Variants in KMT2E observed in about 807,000 individuals in gnomAD.
The protein encoded by KMT2E is histone reader KMT2E.
In KMT2E, 30 loss-of-function variants were observed where a neutral mutation model predicts 184.6. The ratio of observed to expected loss-of-function variants is 0.16; its 90% confidence interval spans 0.12 to 0.22. The LOEUF (loss-of-function observed/expected upper bound fraction) is 0.22. Among genes scored for constraint, KMT2E ranks in the 10% least tolerant of loss-of-function variants. The pLI is 1.00. For synonymous variants in KMT2E, 815 were observed against 776.5 expected (o/e 1.05, Z -0.82); for missense variants, 2,023 against 2,237.4 (o/e 0.90, Z 1.93).
Position 105,040,997 on chromosome 7 carries a change from A to G in KMT2E, c.45A>G (p.Ser15=). Residue 15 remains serine, a synonymous_variant, in exon 3 of 27, where the codon TCA becomes TCG. Coordinates refer to ENST00000311117, the MANE Select transcript of KMT2E (RefSeq NM_182931.3). ...TGGGGGTTGATACAGCAGAGACGTC[A>G]TACTTGGAAATGGCTGCAGGTTCAG... ...IPLGVDTAET[S]YLEMAAGSEP... is the part of the protein sequence containing the mutation. The G allele has an allele frequency of 1.9e-6, 3 of 1,611,032 alleles. No individual in the cohort carries two copies. Among genetic ancestry groups the G allele is most frequent in the Non-Finnish European group, 2.5e-6 (3 of 1,178,920 alleles).
At chr7:105,087,194 G>GCTAT (rs1392733869) in intron 13 of KMT2E, among the ~76,000 whole-genome samples, 4 of 144,944 alleles carry the variant, frequency 2.8e-5, no homozygotes, top group African/African-American at 1.0e-4. Context: ...GCATATACAT[G>GCTAT]CTATATATAT....
Position 105,111,993 on chromosome 7 carries a change from A to G in KMT2E, c.4237A>G (p.Lys1413Glu). ...ATCAAATAACAACCAAGCACTTTCA[A>G]AGAATCATCCTCCTCAGACACACGT... ...QLSNNNQALS[K>E]NHPPQTHVRN... The change falls in exon 27 of 27, where the codon AAG becomes GAG. Residue 1413 changes from lysine to glutamate, a missense_variant. By Grantham distance (56) the Lys-to-Glu change is moderately conservative. Around this residue, in one of 8 missense-constraint regions of KMT2E, gnomAD observed 1,108 missense variants for 1,050.9 expected, o/e 1.05. Coordinates refer to ENST00000311117, the MANE Select transcript of KMT2E (RefSeq NM_182931.3). 1 of 1,614,182 alleles carries G rather than the reference A, an allele frequency of 6.2e-7. No homozygotes were observed. The highest frequency in any genetic ancestry group is 8.5e-7 in the Non-Finnish European group (1 of 1,180,028).
chr7:105,087,063 AATAT>A (rs1171645862), intron 13 of KMT2E, among the ~76,000 whole-genome samples: 1 of 147,288 alleles, frequency 6.8e-6, no homozygotes, highest in Non-Finnish European at 1.5e-5. Flanking sequence ...TAGCATATAT[AATAT>A]ATAATACATA....
Position 105,110,774 on chromosome 7 carries a change from C to T in KMT2E, c.3974C>T (p.Pro1325Leu), listed in dbSNP as rs1799201654. 6.2e-7 allele frequency: 1 copy of T among 1,613,104 alleles called. No individual in the cohort carries two copies. The highest frequency in any genetic ancestry group is 1.3e-5 in the African/African-American group (1 of 74,888). The change falls in exon 26 of 27, where the codon CCT (proline) becomes CTT (leucine). Residue 1325 changes from proline (P) to leucine (L), a missense_variant. Pro to Leu is a moderately conservative substitution (Grantham distance 98). Coordinates refer to ENST00000311117, the MANE Select transcript of KMT2E (RefSeq NM_182931.3). ...ATAGGTTTCTTCTGCTTTATAGACC[C>T]TGATCCTGAAAATCCAGAACCCACA... ...VPSFSELMED[P>L]DPENPEPTTT...
chr7:105,076,089 C>T lies in KMT2E; in HGVS notation c.768+8C>T, dbSNP rs1245362584. 6.3e-7 allele frequency: 1 copy of T among 1,580,160 alleles called. No homozygotes were observed. Among genetic ancestry groups the T allele is most frequent in the Non-Finnish European group, 8.7e-7 (1 of 1,150,250 alleles). ...AAGTCATCAAGAGTTAAGGTAAATA[C>T]ATTAATTTTAAGGTGTTGTTATCAA... On this transcript the variant is annotated splice_region_variant and intron_variant, in intron 9 of 26. Coordinates refer to ENST00000311117, the MANE Select transcript of KMT2E (RefSeq NM_182931.3).
chr7:105,036,080 C>G (rs1016228918), intron 1 of KMT2E, among the ~76,000 whole-genome samples: 4 of 151,532 alleles, frequency 2.6e-5, no homozygotes, highest in South Asian at 2.1e-4. Context: ...AGAGAGGCAG[C>G]TGTCAATTTT....
At chr7:105,044,697 C>G (rs867786983) in intron 3 of KMT2E, among the ~76,000 whole-genome samples, 1 of 152,160 alleles carries the variant, frequency 6.6e-6, no homozygotes, top group Non-Finnish European at 1.5e-5. Flanking sequence ...GCACTCAATC[C>G]CATACCAGGC....
At position 105,101,901 on chromosome 7, in the gene KMT2E, G is replaced by A. The variant is rs1562928071; in HGVS notation, c.1903G>A (p.Glu635Lys). The change falls in exon 17 of 27, where the codon GAA becomes AAA. Residue 635 changes from glutamate (E) to lysine (K), a missense_variant. Around this residue, in one of 8 missense-constraint regions of KMT2E, gnomAD observed 514 missense variants for 621.8 expected, o/e 0.83. Coordinates refer to ENST00000311117, the MANE Select transcript of KMT2E (RefSeq NM_182931.3). ...AEVIQEQAKE[E>K]NASKPTPAKV... Reference sequence around the variant, plus strand: ...TTTGAATTAGGAACAAGCAAAAGAAGAAAATGCTAGCAAGCCAACCCCTGC... The same window carrying A: ...TTTGAATTAGGAACAAGCAAAAGAAAAAAATGCTAGCAAGCCAACCCCTGC... The A allele has an allele frequency of 6.2e-7, 1 of 1,608,466 alleles. No homozygotes were observed. Among genetic ancestry groups the A allele is most frequent in the Non-Finnish European group, 8.5e-7 (1 of 1,178,608 alleles).
chr7:105,091,062 G>A lies in KMT2E; in HGVS notation c.1624-154G>A, dbSNP rs866162219. Among the ~76,000 whole-genome samples, 17 of 152,162 alleles carry A rather than the reference G, an allele frequency of 1.1e-4. No individual in the cohort carries two copies. The East Asian group carries it at 1.7e-3, about 15-fold the overall frequency. On this transcript the variant is annotated intron_variant, in intron 14 of 26. Coordinates refer to ENST00000311117, the MANE Select transcript of KMT2E (RefSeq NM_182931.3). ...ATTGCATAATTTTGAAAAGTATCTTGAATTAGGAAACCAGTTTTAAATTTC... is the reference window on the plus strand; with the variant it reads ...ATTGCATAATTTTGAAAAGTATCTTAAATTAGGAAACCAGTTTTAAATTTC...
Position 105,090,158 on chromosome 7 carries a change from A to G in KMT2E, c.1508A>G (p.Asp503Gly), listed in dbSNP as rs768097588. 1.9e-6 allele frequency: 3 copies of G among 1,613,212 alleles called. No individual in the cohort carries two copies. The highest frequency in any genetic ancestry group is 1.3e-5 in the African/African-American group (1 of 74,808). ...GACAAAGATATTTCAAAAGAAAAAG[A>G]TACACAAAATCAGAATATTACTTTG... ...KKDKDISKEKDTQNQNITLDC... is the reference protein window; with the variant it reads ...KKDKDISKEKGTQNQNITLDC... Residue 503 changes from aspartate to glycine, a missense_variant, in exon 14 of 27, where the codon GAT becomes GGT. By Grantham distance (94) the Asp-to-Gly change is moderately conservative. Transcript: ENST00000311117.
At position 105,111,909 on chromosome 7, in the gene KMT2E, A is replaced by G. The variant is rs1410128970; in HGVS notation, c.4153A>G (p.Ser1385Gly). ...KPDPQWDSTV[S>G]ASEAENGVHL... ...AGATCCCCAATGGGACTCCACAGTT[A>G]GTGCATCCGAAGCTGAAAATGGTGT... Residue 1385 changes from serine (S) to glycine (G), a missense_variant, in exon 27 of 27, where the codon AGT (serine) becomes GGT (glycine). Transcript: ENST00000311117. 6.2e-7 allele frequency: 1 copy of G among 1,614,090 alleles called. No individual in the cohort carries two copies. Among genetic ancestry groups the G allele is most frequent in the African/African-American group, 1.3e-5 (1 of 74,926 alleles).
intron 3 of KMT2E, among the ~76,000 whole-genome samples, chr7:105,050,693 T>C (rs1451593386): frequency 6.6e-6 from 1 of 151,362 alleles, no homozygotes; most frequent in African/African-American, 2.4e-5. Flanking sequence ...TTCTTTCTCT[T>C]TCTCTCTTTC....
In KMT2E at chr7:105,113,159, CAG is replaced by C. The variant is rs1445937144; in HGVS notation, c.5404_5405del (p.Ser1802TyrfsTer66). On this transcript the variant is annotated frameshift_variant, in exon 27 of 27. Coordinates refer to ENST00000311117, the MANE Select transcript of KMT2E (RefSeq NM_182931.3). LOFTEE classifies it high-confidence loss of function. Reference sequence around the variant, plus strand: ...CTCATCTCCAGCCCCAAGGACCAAACAGTATTCCAACACCTACTGCTTCAGGG... The same window carrying C: ...CTCATCTCCAGCCCCAAGGACCAAACTATTCCAACACCTACTGCTTCAGGG... ...GPHLQPQGPN[S>X]IPTPTASGFC... is the part of the protein sequence containing the mutation. The C allele has an allele frequency of 6.2e-7, 1 of 1,614,222 alleles. No individual in the cohort carries two copies. The highest frequency in any genetic ancestry group is 2.2e-5 in the East Asian group (1 of 44,872).
At chr7:105,023,369 T>C in intron 1 of KMT2E, among the ~76,000 whole-genome samples, 1 of 117,814 alleles carries the variant, frequency 8.5e-6, no homozygotes. Context: ...ACCATTGTAC[T>C]CCAGCCTGGG....
chr7:105,046,389 C>A (rs891720526), intron 3 of KMT2E, among the ~76,000 whole-genome samples: 3 of 151,938 alleles, frequency 2.0e-5, no homozygotes, highest in South Asian at 2.1e-4. Flanking sequence ...TTCTTCCTTT[C>A]TTTCTTCAAA....
At chr7:105,096,215 C>T (rs186045548) in intron 15 of KMT2E, among the ~76,000 whole-genome samples, 2 of 129,592 alleles carry the variant, frequency 1.5e-5, no homozygotes, top group African/African-American at 6.0e-5. Context: ...GATGGCATCA[C>T]TGCACTCCAG....
At chr7:105,056,097 A>G (rs1796562262) in intron 3 of KMT2E, among the ~76,000 whole-genome samples, 1 of 152,136 alleles carries the variant, frequency 6.6e-6, no homozygotes, top group Non-Finnish European at 1.5e-5. Flanking sequence ...TATTTGTTTA[A>G]TCAGTGCTAT....
chr7:105,096,046 C>A (rs941795754), intron 15 of KMT2E, among the ~76,000 whole-genome samples: 2 of 151,924 alleles, frequency 1.3e-5, no homozygotes, highest in African/African-American at 2.4e-5. Context: ...CTTGAGTCCA[C>A]GAGTTCGAGA....
At chr7:105,101,714 C>A in intron 16 of KMT2E, 125 bp downstream of exon 16, 1 of 962,016 alleles carries the variant, frequency 1.0e-6, no homozygotes, top group Non-Finnish European at 1.5e-6. Context: ...TTTTTCAGAT[C>A]CTATGGGAGT....
Sources: allele counts gnomAD v4.1 joint callset (sites outside exome capture counted in the v4.1 genomes callset), GRCh38; gene constraint gnomAD v4.1.1; regional missense constraint gnomAD v4.1.1; transcripts MANE v1.5; gene names NCBI Gene and HGNC (gene_info 2026-07-23, HGNC 2026-07-21).